MCTP1: variants seen among roughly 807,000 people sequenced by gnomAD.
The protein encoded by MCTP1 is multiple C2 and transmembrane domain containing 1, also known as multiple C2 and transmembrane domain-containing protein 1.
MCTP1 carries 69 observed loss-of-function variants against 120.6 expected under a neutral mutation model. The observed-to-expected ratio is 0.57, with a 90% CI of 0.47 to 0.70. MCTP1 has a LOEUF of 0.70. Ranked by LOEUF, MCTP1 falls within the 30% of genes least tolerant of loss-of-function variation. The probability of loss-of-function intolerance (pLI) is 0.00; values close to 1 mark genes in which losing one functional copy is unlikely to be tolerated. For synonymous variants in MCTP1, 529 were observed against 493.1 expected (o/e 1.07, Z -0.96); for missense variants, 1,203 against 1,248.8 (o/e 0.96, Z 0.55).
chr5:94,716,934 A>G (rs902885469), intron 19 of MCTP1, among the ~76,000 whole-genome samples: 6 of 151,344 alleles, frequency 4.0e-5, no homozygotes, highest in Non-Finnish European at 8.8e-5. Context: ...TGTACCCAGT[A>G]TTTAATTAAA....
intron 1 of MCTP1, among the ~76,000 whole-genome samples, chr5:95,035,260 A>C (rs1206214309): frequency 2.6e-5 from 4 of 152,052 alleles, no homozygotes; most frequent in Non-Finnish European, 5.9e-5. Context: ...ATTTAAAAAA[A>C]CCTGCATTTA....
intron 3 of MCTP1, among the ~76,000 whole-genome samples, chr5:94,946,112 A>T (rs2153516478): frequency 6.6e-6 from 1 of 152,274 alleles, no homozygotes; most frequent in Admixed American, 6.5e-5. Context: ...GAAGTAGTTA[A>T]CTGTATCAAA....
At chr5:95,051,268 C>T (rs1325055657) in intron 1 of MCTP1, among the ~76,000 whole-genome samples, 1 of 152,122 alleles carries the variant, frequency 6.6e-6, no homozygotes, top group Admixed American at 6.6e-5. Context: ...CTGCCTTGTA[C>T]CCCAGTCTTA....
intron 1 of MCTP1, among the ~76,000 whole-genome samples, chr5:95,215,680 A>T (rs1752964463): frequency 6.6e-6 from 1 of 151,456 alleles, no homozygotes; most frequent in African/African-American, 2.4e-5. Context: ...TGAAATATGG[A>T]TATAATGTTA....
chr5:94,935,987 G>GAAACTTCA (rs1462931395), intron 5 of MCTP1, among the ~76,000 whole-genome samples: 2 of 151,910 alleles, frequency 1.3e-5, no homozygotes, highest in Non-Finnish European at 2.9e-5. Flanking sequence ...TTTTAACCAA[G>GAAACTTCA]AAACTTCAAA....
chr5:95,127,849 T>C (rs1758746109), intron 1 of MCTP1, among the ~76,000 whole-genome samples: 1 of 152,106 alleles, frequency 6.6e-6, no homozygotes, highest in Non-Finnish European at 1.5e-5. Context: ...GATGGAGGCA[T>C]AATGTCTAAG....
At chr5:94,923,716 G>C (rs1277236436) in intron 7 of MCTP1, among the ~76,000 whole-genome samples, 1 of 152,138 alleles carries the variant, frequency 6.6e-6, no homozygotes, top group African/African-American at 2.4e-5. Flanking sequence ...TCAGAATTTG[G>C]AATAAACTTG....
intron 2 of MCTP1, among the ~76,000 whole-genome samples, chr5:95,016,294 G>C (rs1040926115): frequency 1.3e-5 from 2 of 152,004 alleles, no homozygotes; most frequent in Non-Finnish European, 2.9e-5. Context: ...GGGATTACAG[G>C]AATGAGCCAC....
chr5:95,256,606 C>T (rs1423866091), intron 1 of MCTP1, among the ~76,000 whole-genome samples: 6 of 152,130 alleles, frequency 3.9e-5, no homozygotes, highest in Non-Finnish European at 8.8e-5. Flanking sequence ...TTTTTGGCTT[C>T]TTAGCTCTTC....
intron 1 of MCTP1, among the ~76,000 whole-genome samples, chr5:95,088,511 C>A (rs1343866635): frequency 6.6e-6 from 1 of 152,224 alleles, no homozygotes; most frequent in Non-Finnish European, 1.5e-5. Context: ...CTCTGTGAAG[C>A]AGGTACTACT....
chr5:95,009,993 C>A (rs886571172), intron 2 of MCTP1, among the ~76,000 whole-genome samples: 6 of 152,160 alleles, frequency 3.9e-5, no homozygotes, highest in African/African-American at 1.2e-4. Context: ...GTGAATGTGG[C>A]TGTGGTGGAA....
chr5:94,787,171 G>A (rs1239968935), intron 18 of MCTP1, among the ~76,000 whole-genome samples: 1 of 152,132 alleles, frequency 6.6e-6, no homozygotes, highest in East Asian at 1.9e-4. Context: ...CATGCACGGT[G>A]CACAGTGGAG....
At chr5:95,174,772 T>C (rs1747767766) in intron 1 of MCTP1, among the ~76,000 whole-genome samples, 1 of 152,220 alleles carries the variant, frequency 6.6e-6, no homozygotes, top group Non-Finnish European at 1.5e-5. Context: ...AAGTACTCAA[T>C]AAACTGTTAA....
intron 17 of MCTP1, among the ~76,000 whole-genome samples, chr5:94,854,119 A>C (rs183571417): frequency 1.3e-5 from 2 of 151,926 alleles, no homozygotes; most frequent in African/African-American, 4.8e-5. Flanking sequence ...CATCTGTTGC[A>C]TAATGGGCCT....
intron 19 of MCTP1, among the ~76,000 whole-genome samples, chr5:94,751,152 T>C (rs1308886171): frequency 6.6e-6 from 1 of 152,076 alleles, no homozygotes; most frequent in African/African-American, 2.4e-5. Context: ...TAATATAACT[T>C]TCCTGACAGA....
rs572210847 is a variant in MCTP1 at position 95,128,200 on chromosome 5, T to A, written c.721-110716A>T. 5.9e-5 allele frequency among the ~76,000 whole-genome samples: 9 copies of A among 152,308 alleles called. 1 individual carries two copies. The South Asian group carries it at 1.9e-3, about 32-fold the overall frequency. On this transcript the variant is annotated intron_variant, in intron 1 of 22. Coordinates refer to ENST00000515393, the MANE Select transcript of MCTP1 (RefSeq NM_024717.7). The stretch of plus-strand genomic sequence containing the variant: ...AGCTCCATGGCAAGGTACACGACCA[T>A]GATCAAAGCCAGTTATGGTGGCCCA...
chr5:94,865,471 A>T, intron 17 of MCTP1, among the ~76,000 whole-genome samples: 1 of 151,786 alleles, frequency 6.6e-6, no homozygotes. Context: ...AAAGTGGGCC[A>T]AGTAGAACCG....
intron 10 of MCTP1, among the ~76,000 whole-genome samples, chr5:94,897,361 G>C (rs1279300592): frequency 6.7e-6 from 1 of 149,644 alleles, no homozygotes; most frequent in South Asian, 2.1e-4. Context: ...ACCACACCCA[G>C]CCCTGGACTT....
chr5:94,736,540 G>T (rs965591070), intron 19 of MCTP1, among the ~76,000 whole-genome samples: 3 of 152,102 alleles, frequency 2.0e-5, no homozygotes, highest in African/African-American at 7.2e-5. Flanking sequence ...TGTTTATATA[G>T]ATAAATAAAG....
Sources: allele counts gnomAD v4.1 joint callset (sites outside exome capture counted in the v4.1 genomes callset), GRCh38; gene constraint gnomAD v4.1.1; transcripts MANE v1.5; gene names NCBI Gene and HGNC (gene_info 2026-07-23, HGNC 2026-07-21).